The following ABCA1 variants were observed in gnomAD, a reference collection of about 807,000 sequenced individuals.
ABCA1 encodes phospholipid-transporting ATPase ABCA1.
In ABCA1, 133 loss-of-function variants were observed where a neutral mutation model predicts 262.5. The observed-to-expected ratio is 0.51, with a 90% CI of 0.44 to 0.59. The LOEUF is 0.59. Among genes scored for constraint, ABCA1 ranks in the 20% least tolerant of loss-of-function variants. The pLI, the probability that ABCA1 is intolerant of heterozygous loss-of-function variation, is 0.00. For synonymous variants in ABCA1, 1,022 were observed against 1,043.5 expected (o/e 0.98, Z 0.40); for missense variants, 2,452 against 2,777.5 (o/e 0.88, Z 2.63).
At chr9:104,881,878 G>A (rs1428795973) in intron 5 of ABCA1, among the ~76,000 whole-genome samples, 3 of 151,760 alleles carry the variant, frequency 2.0e-5, no homozygotes, top group African/African-American at 7.3e-5. Flanking sequence ...TTGTCTAAGT[G>A]GACACTCCAA....
rs139295246 is a variant in ABCA1 at position 104,870,492 on chromosome 9, T to A, written c.422-8692A>T. Among the ~76,000 whole-genome samples the A allele has an allele frequency of 2.4e-4, 37 of 152,346 alleles. No homozygotes were observed. The East Asian group carries it at 6.7e-3, about 28-fold the overall frequency. ...ATCTTCCCCCAGATTACTTTGCTAG[T>A]AAGGCAATAGCACACCTGCTATGAT... On this transcript the variant is annotated intron_variant, in intron 5 of 49. Transcript: ENST00000374736.
In ABCA1 at chr9:104,799,854, C is replaced by T. The variant is rs554523812; in HGVS notation, c.4908G>A (p.Leu1636=). ...HYGITAFNHP[L]NLTKQQLSEV... is the part of the protein sequence containing the mutation. ...CTGAGAGCTGCTGCTTGGTGAGATT[C>T]AGGGGATGATTGAAAGCAGTAATTC... Residue 1636 remains leucine (L), a synonymous_variant, in exon 36 of 50, where the codon CTG becomes CTA. Coordinates refer to ENST00000374736, the MANE Select transcript of ABCA1 (RefSeq NM_005502.4). 2 of 1,614,190 alleles carry T rather than the reference C, an allele frequency of 1.2e-6. No individual in the cohort carries two copies. The highest frequency in any genetic ancestry group is 1.7e-6 in the Non-Finnish European group (2 of 1,180,038).
chr9:104,831,170 AT>A, intron 13 of ABCA1, 69 bp from the exon 14 acceptor site: 8 of 1,240,296 alleles, frequency 6.5e-6, no homozygotes, highest in African/African-American at 1.6e-5. Flanking sequence ...AAAAAAAAAA[AT>A]TGCCCAAAAC....
intron 28 of ABCA1, 145 bp downstream of exon 28, chr9:104,812,429 C>A: frequency 1.9e-6 from 2 of 1,069,342 alleles, no homozygotes; most frequent in Non-Finnish European, 1.4e-6. Flanking sequence ...ACACAACTGG[C>A]AAGGAATAGA....
At chr9:104,907,760 T>C (rs1208864966) in intron 1 of ABCA1, among the ~76,000 whole-genome samples, 1 of 152,236 alleles carries the variant, frequency 6.6e-6, no homozygotes, top group Non-Finnish European at 1.5e-5. Flanking sequence ...AGCTAAGGAC[T>C]GGGCAGCCTC....
chr9:104,793,534 A>AT (rs1829613650), intron 40 of ABCA1, among the ~76,000 whole-genome samples: 1 of 151,922 alleles, frequency 6.6e-6, no homozygotes, highest in African/African-American at 2.4e-5. Flanking sequence ...TGTGTATTCG[A>AT]TTTGTAACTT....
intron 3 of ABCA1, among the ~76,000 whole-genome samples, chr9:104,884,839 C>A (rs574915071): frequency 6.6e-6 from 1 of 152,298 alleles, no homozygotes; most frequent in East Asian, 1.9e-4. Context: ...AAGTCCCTGG[C>A]ATCCTTAGTT....
intron 7 of ABCA1, among the ~76,000 whole-genome samples, chr9:104,853,534 A>G (rs973262037): frequency 6.6e-6 from 1 of 152,226 alleles, no homozygotes; most frequent in Non-Finnish European, 1.5e-5. Context: ...GCCCATCAGA[A>G]TGAAAGCTCC....
intron 37 of ABCA1, among the ~76,000 whole-genome samples, chr9:104,798,122 A>C (rs1218877342): frequency 6.6e-6 from 1 of 152,166 alleles, no homozygotes; most frequent in Non-Finnish European, 1.5e-5. Context: ...ATTGACTTGG[A>C]GTTTTGACTT....
intron 2 of ABCA1, 57 bp from the exon 3 acceptor site, chr9:104,889,252 G>GCCACTGGGATCTGGGAAAT: frequency 6.4e-7 from 1 of 1,573,242 alleles, no homozygotes; most frequent in Non-Finnish European, 8.7e-7. Flanking sequence ...GATATCCAAT[G>GCCACTGGGATCTGGGAAAT]CCACTGGGAT....
Position 104,831,013 on chromosome 9 carries a change from G to C in ABCA1, c.1804C>G (p.Gln602Glu). 6.2e-7 allele frequency: 1 copy of C among 1,613,912 alleles called. No homozygotes were observed. Among genetic ancestry groups the C allele is most frequent in the Non-Finnish European group, 8.5e-7 (1 of 1,179,980 alleles). ...GFAYLQDVVE[Q>E]AIIRVLTGTE... ...CCCGTCAGCACCCTGATGATTGCCT[G>C]CTCCACCACATCCTGCAAGTAGGCG... Residue 602 changes from glutamine to glutamate, a missense_variant, in exon 14 of 50, where the codon CAG becomes GAG. This residue lies in a region of ABCA1 where 1,032 missense variants were observed against 1,089.7 expected (regional missense o/e 0.95). Coordinates refer to ENST00000374736, the MANE Select transcript of ABCA1 (RefSeq NM_005502.4).
rs1838986951 is a variant in ABCA1, at chr9:104,884,631, G to A, written c.161-63C>T. The A allele has an allele frequency of 1.9e-6, 3 of 1,591,858 alleles. No individual in the cohort carries two copies. In the East Asian group the frequency reaches 6.7e-5, roughly 36 times the overall value. On this transcript the variant is annotated intron_variant, in intron 3 of 49. Transcript: ENST00000374736. The stretch of plus-strand genomic sequence containing the variant: ...CATTAATTCCCTGAAGCGATTTTGA[G>A]GCTCCATTTATACAATGCTTCATGC...
At position 104,899,586 on chromosome 9, in the gene ABCA1, C is replaced by T. The variant is rs140531048; in HGVS notation, c.66+4028G>A. Among the ~76,000 whole-genome samples the T allele has an allele frequency of 1.6e-3, 249 of 151,826 alleles. 1 individual carries two copies. The highest frequency in any genetic ancestry group is 5.7e-3 in the African/African-American group (236 of 41,382). On this transcript the variant is annotated intron_variant, in intron 2 of 49. Coordinates refer to ENST00000374736, the MANE Select transcript of ABCA1 (RefSeq NM_005502.4). ...CTGTGTGCCCATAATCCCAGCTACC[C>T]GGGAGGCTGAGGCATGACAATTGCT...
At position 104,782,171 on chromosome 9, in the gene ABCA1, A is replaced by G. The variant is rs1828584001; in HGVS notation, c.*2144T>C. 6.6e-6 allele frequency: 1 copy of G among 152,146 alleles called. No homozygotes were observed. The highest frequency in any genetic ancestry group is 1.5e-5 in the Non-Finnish European group (1 of 67,982). 9.4% of individuals were successfully genotyped at this position (152,146 alleles called of 1,614,324 possible). On this transcript the variant is annotated 3_prime_UTR_variant, in exon 50 of 50. Coordinates refer to ENST00000374736, the MANE Select transcript of ABCA1 (RefSeq NM_005502.4). Reference sequence around the variant, plus strand: ...TAACTTTGATTTTGAAAAATATTAAATGAGGAGAAATTATTCTATAAATTC... The same window carrying G: ...TAACTTTGATTTTGAAAAATATTAAGTGAGGAGAAATTATTCTATAAATTC...
At chr9:104,799,350 C>A in intron 36 of ABCA1, 1 of 734,146 alleles carries the variant, frequency 1.4e-6, no homozygotes, top group South Asian at 5.9e-5. Flanking sequence ...CTGTATGACT[C>A]CAAAGGCTGC....
At chr9:104,846,220 G>GA (rs1178256363) in intron 7 of ABCA1, among the ~76,000 whole-genome samples, 4 of 151,886 alleles carry the variant, frequency 2.6e-5, no homozygotes, top group South Asian at 2.1e-4. Context: ...ATAAGCTAAA[G>GA]AAAAAAAAGA....
Position 104,794,515 on chromosome 9 carries a change from A to T in ABCA1, c.5383-5T>A. On this transcript the variant is annotated splice_region_variant and splice_polypyrimidine_tract_variant and intron_variant, in intron 39 of 49. Coordinates refer to ENST00000374736, the MANE Select transcript of ABCA1 (RefSeq NM_005502.4). ...ATCATTGATATTATTCAGCTTCTAAAAAAAAAAAAAAAAAATGGGAGGGAA... is the reference window on the plus strand; with the variant it reads ...ATCATTGATATTATTCAGCTTCTAATAAAAAAAAAAAAAAATGGGAGGGAA... 1 of 1,560,336 alleles carries T rather than the reference A, an allele frequency of 6.4e-7. No individual in the cohort carries two copies.
rs781476164 is a variant in ABCA1 at position 104,903,703 on chromosome 9, C to T, written c.-24G>A. On this transcript the variant is annotated 5_prime_UTR_variant, in exon 2 of 50. Transcript: ENST00000374736. ...ATGTTCCCTCAGCCAGCACCCCCAG[C>T]GTGTGGCTCGGGAGCCCTGGAAGGC... The T allele has an allele frequency of 2.4e-5, 38 of 1,566,340 alleles. No homozygotes were observed. Among genetic ancestry groups the T allele is most frequent in the African/African-American group, 5.4e-5 (4 of 73,908 alleles).
intron 5 of ABCA1, among the ~76,000 whole-genome samples, chr9:104,876,653 G>A (rs1444457415): frequency 6.6e-6 from 1 of 152,014 alleles, no homozygotes; most frequent in Admixed American, 6.6e-5. Flanking sequence ...AGACAGCAAA[G>A]GGTCACCTCC....
Sources: allele counts gnomAD v4.1 joint callset (sites outside exome capture counted in the v4.1 genomes callset), GRCh38; gene constraint gnomAD v4.1.1; regional missense constraint gnomAD v4.1.1; transcripts MANE v1.5; gene names NCBI Gene and HGNC (gene_info 2026-07-23, HGNC 2026-07-21).